LMTK3: variants seen among roughly 807,000 people sequenced by gnomAD.
The protein encoded by LMTK3 is serine/threonine-protein kinase LMTK3.
In LMTK3, 27 loss-of-function variants were observed where a neutral mutation model predicts 116.7. That is an observed-to-expected ratio of 0.23 (90% CI 0.17 to 0.32). The LOEUF is 0.32. Ranked by LOEUF, LMTK3 falls within the 10% of genes least tolerant of loss-of-function variation. The pLI, the probability that LMTK3 is intolerant of heterozygous loss-of-function variation, is 1.00. For synonymous variants in LMTK3, 965 were observed against 971.0 expected, an observed-to-expected ratio of 0.99 and a Z score of 0.11; for missense variants, 1,764 against 2,068.5, an observed-to-expected ratio of 0.85 and a Z score of 2.86.
intron 14 of LMTK3, among the ~76,000 whole-genome samples, chr19:48,490,293 G>T (rs1009071006): frequency 6.6e-6 from 1 of 152,104 alleles, no homozygotes; most frequent in African/African-American, 2.4e-5. Context: ...GGAGGCCGAG[G>T]TGGGTGGATC....
At chr19:48,506,337 G>T (rs1972570510) in intron 5 of LMTK3, among the ~76,000 whole-genome samples, 1 of 151,978 alleles carries the variant, frequency 6.6e-6, no homozygotes, top group Non-Finnish European at 1.5e-5. Flanking sequence ...TAAGAATTTG[G>T]TGTGTCTTCC....
upstream of LMTK3, chr19:48,513,621 G>A (rs1376642846): frequency 1.0e-5 from 2 of 200,576 alleles, no homozygotes; most frequent in Non-Finnish European, 2.1e-5. This position sits in a 1 kb window ranked among gnomAD's most constrained non-coding sequence, Gnocchi z 5.6. Flanking sequence ...TCCCCTGGGT[G>A]AGGCTGGGCC....
Position 48,493,889 on chromosome 19 carries a change from C to T in LMTK3, c.3897G>A (p.Gly1299=). The T allele has an allele frequency of 1.9e-6, 2 of 1,070,126 alleles. No individual in the cohort carries two copies. Among genetic ancestry groups the T allele is most frequent in the Non-Finnish European group, 2.3e-6 (2 of 887,638 alleles). 66.3% of individuals were successfully genotyped at this position (1,070,126 alleles called of 1,614,324 possible). ...CTCGCGCCCTCCCGGGGCCCCGCGGCCCCGCCGCCGCGCCCGGCGCCGCCG... is the reference window on the plus strand; with the variant it reads ...CTCGCGCCCTCCCGGGGCCCCGCGGTCCCGCCGCCGCGCCCGGCGCCGCCG... ...EEAAAPGAAA[G]PRGPGRARAA... Residue 1299 remains glycine (G), a synonymous_variant, in exon 12 of 15, where the codon GGG becomes GGA. Transcript: ENST00000600059.
chr19:48,493,655 G>C, intron 12 of LMTK3, 39 bp downstream of exon 12: 2 of 1,522,486 alleles, frequency 1.3e-6, no homozygotes, highest in Non-Finnish European at 8.8e-7. Context: ...GCTCCCTCCA[G>C]GCCGCGACCC....
intron 11 of LMTK3, among the ~76,000 whole-genome samples, chr19:48,496,446 C>G (rs1256165221): frequency 6.6e-6 from 1 of 152,048 alleles, no homozygotes; most frequent in Non-Finnish European, 1.5e-5. Context: ...TTATAGGCGC[C>G]TACCATAAAG....
At position 48,500,013 on chromosome 19, in the gene LMTK3, AC is replaced by A; in HGVS notation, c.1152-97del. The A allele has an allele frequency of 8.0e-7, 1 of 1,246,860 alleles. No homozygotes were observed. The highest frequency in any genetic ancestry group is 1.1e-6 in the Non-Finnish European group (1 of 915,854). The allele number at this position is 1,246,860 out of a possible 1,614,324, so 77.2% of individuals were successfully genotyped here. On this transcript the variant is annotated intron_variant, in intron 10 of 14. Coordinates refer to ENST00000600059, the MANE Select transcript of LMTK3 (RefSeq NM_001388485.1). The surrounding 1 kb of genome is among the most constrained non-coding windows in gnomAD (Gnocchi z 4.0). ...GACAACCAGAGAGAGGGGGACAGAG[AC>A]CCAGAGGGTAACAGAGACCCAGAGA... is the stretch of plus-strand genomic sequence containing the variant.
intron 12 of LMTK3, among the ~76,000 whole-genome samples, chr19:48,493,057 G>A (rs2147533287): frequency 6.8e-6 from 1 of 147,796 alleles, no homozygotes; most frequent in Non-Finnish European, 1.5e-5. Context: ...TGCTCCATCC[G>A]CCCCGCCCTA....
chr19:48,499,060 G>C lies in LMTK3; in HGVS notation c.2009C>G (p.Pro670Arg), dbSNP rs764352706. ...GCAGGCCCCCTCGCGGCTGCACAGG[G>C]GACAGGGTAGGGGACCCCGGCGGCT... ...GPSRRGPLPC[P>R]LCSREGACSC... Residue 670 changes from proline to arginine, a missense_variant, in exon 11 of 15, where the codon CCC becomes CGC. By Grantham distance (103) the Pro-to-Arg change is moderately radical. Coordinates refer to ENST00000600059, the MANE Select transcript of LMTK3 (RefSeq NM_001388485.1). 180 of 1,535,994 alleles carry C rather than the reference G, an allele frequency of 1.2e-4. No homozygotes were observed. Among genetic ancestry groups the C allele is most frequent in the Non-Finnish European group, 1.5e-4 (171 of 1,145,994 alleles).
At position 48,511,540 on chromosome 19, in the gene LMTK3, C is replaced by A; in HGVS notation, c.37G>T (p.Val13Phe). 11 of 1,425,658 alleles carry A rather than the reference C, an allele frequency of 7.7e-6. No homozygotes were observed. The highest frequency in any genetic ancestry group is 2.4e-5 in the Admixed American group (1 of 42,174). 88.3% of individuals were successfully genotyped at this position (1,425,658 alleles called of 1,614,324 possible). A position where few individuals can be genotyped will look rare whatever the true frequency, so the allele number is the denominator to read the frequency against. ...GACGCCAGGCAGCCGGAGGCGGAGA[C>A]GGCCGCAAGGAGGATGAGGGCGCCG... Reference protein sequence around the residue: ...APGALILLAAVSASGCLASPA... With the variant: ...APGALILLAAFSASGCLASPA... The change falls in exon 1 of 15, where the codon GTC becomes TTC. Residue 13 changes from valine to phenylalanine, a missense_variant. This residue lies in a region of LMTK3 where 66 missense variants were observed against 61.1 expected (regional missense o/e 1.08). Transcript: ENST00000600059.
At position 48,499,076 on chromosome 19, in the gene LMTK3, C is replaced by T. The variant is rs1360844043; in HGVS notation, c.1993G>A (p.Gly665Ser). The T allele has an allele frequency of 4.5e-6, 7 of 1,545,378 alleles. No homozygotes were observed. The South Asian group carries it at 8.3e-5, about 18-fold the overall frequency. Residue 665 changes from glycine (G) to serine (S), a missense_variant, in exon 11 of 15, where the codon GGT (glycine) becomes AGT (serine). This residue lies in a region of LMTK3 where 1,028 missense variants were observed against 1,050.6 expected (regional missense o/e 0.98). Coordinates refer to ENST00000600059, the MANE Select transcript of LMTK3 (RefSeq NM_001388485.1). ...CTGCACAGGGGACAGGGTAGGGGAC[C>T]CCGGCGGCTTGGGCCACCTCCAAGG... ...SSLGGGPSRR[G>S]PLPCPLCSRE...
In LMTK3 at chr19:48,491,475, G is replaced by A; in HGVS notation, c.4157C>T (p.Pro1386Leu). 3 of 1,419,234 alleles carry A rather than the reference G, an allele frequency of 2.1e-6. No homozygotes were observed. Among genetic ancestry groups the A allele is most frequent in the East Asian group, 2.9e-5 (1 of 34,694 alleles). The allele number at this position is 1,419,234 out of a possible 1,614,324, so 87.9% of individuals were successfully genotyped here. A position where few individuals can be genotyped will look rare whatever the true frequency, so the allele number is the denominator to read the frequency against. The change falls in exon 13 of 15, where the codon CCT (proline) becomes CTT (leucine). Residue 1386 changes from proline (P) to leucine (L), a missense_variant. Physicochemically the swap from Pro to Leu is moderately conservative, Grantham distance 98 (BLOSUM62 -3). Coordinates refer to ENST00000600059, the MANE Select transcript of LMTK3 (RefSeq NM_001388485.1). This position sits in a 1 kb window ranked among gnomAD's most constrained non-coding sequence, Gnocchi z 5.1. ...PPEGDTDPST[P>L]PAPPTPPHPA... ...GTGGGGAGGTGTCGGGGGCGCTGGA[G>A]GCGTTGACGGGTCCGTGTCCCCCTC...
chr19:48,501,180 T>C, intron 9 of LMTK3, 35 bp from the exon 10 acceptor site: 1 of 1,606,106 alleles, frequency 6.2e-7, no homozygotes, highest in Non-Finnish European at 8.5e-7. Context: ...AGCCCAGCCC[T>C]GACCCACCCG....
In LMTK3 at chr19:48,497,632, G is replaced by T; in HGVS notation, c.3437C>A (p.Pro1146Gln). ...CGGTGGCGGTGGCAGCGGTGGCGGC[G>T]GTGGCTGCGGCCTCGTGTTGTCTAC... ...GWVDNTRPQPPPPPLPPPPEA... is the reference protein window; with the variant it reads ...GWVDNTRPQPQPPPLPPPPEA... The change falls in exon 11 of 15, where the codon CCG becomes CAG. Residue 1146 changes from proline to glutamine, a missense_variant. Around this residue, in one of 7 missense-constraint regions of LMTK3, gnomAD observed 1,028 missense variants for 1,050.6 expected, o/e 0.98. Transcript: ENST00000600059. The surrounding 1 kb of genome is among the most constrained non-coding windows in gnomAD (Gnocchi z 5.7). 3 of 1,298,876 alleles carry T rather than the reference G, an allele frequency of 2.3e-6. No individual in the cohort carries two copies. Among genetic ancestry groups the T allele is most frequent in the East Asian group, 3.1e-5 (1 of 31,908 alleles). 80.5% of individuals were successfully genotyped at this position (1,298,876 alleles called of 1,614,324 possible).
At chr19:48,487,620 A>G (rs1972147980) in intron 14 of LMTK3, among the ~76,000 whole-genome samples, 2 of 152,108 alleles carry the variant, frequency 1.3e-5, no homozygotes, top group Non-Finnish European at 2.9e-5. Flanking sequence ...AGCTCTCCCC[A>G]GGAACTCCGA....
In LMTK3 at chr19:48,485,699, G is replaced by C; in HGVS notation, c.*74C>G. On this transcript the variant is annotated 3_prime_UTR_variant, in exon 15 of 15. Coordinates refer to ENST00000600059, the MANE Select transcript of LMTK3 (RefSeq NM_001388485.1). ...AGGCGGCGTCTGCGGTGGTGGCAGT[G>C]GCGCCGTCATCCACAGAGGATTCCA... 1.3e-6 allele frequency: 2 copies of C among 1,522,638 alleles called. No individual in the cohort carries two copies. The highest frequency in any genetic ancestry group is 9.0e-7 in the Non-Finnish European group (1 of 1,112,974). The allele number at this position is 1,522,638 out of a possible 1,614,324, so 94.3% of individuals were successfully genotyped here.
chr19:48,512,207 G>C (rs1972675407), upstream of LMTK3, among the ~76,000 whole-genome samples: 1 of 151,998 alleles, frequency 6.6e-6, no homozygotes, highest in Admixed American at 6.6e-5. Context: ...ATAGACAAGC[G>C]CATCACATAC....
In LMTK3 at chr19:48,485,560, CA is replaced by C. The variant is rs1296865732; in HGVS notation, c.*212del. On this transcript the variant is annotated 3_prime_UTR_variant, in exon 15 of 15. Coordinates refer to ENST00000600059, the MANE Select transcript of LMTK3 (RefSeq NM_001388485.1). The stretch of plus-strand genomic sequence containing the variant: ...CTGCCTCATTTGGCTCCGAGGGGGT[CA>C]GGGGGGTCAGGGGAGCCATCTGGGG... 6 of 438,712 alleles carry C rather than the reference CA, an allele frequency of 1.4e-5. No individual in the cohort carries two copies. The East Asian group carries it at 1.8e-4, about 13-fold the overall frequency. The allele number at this position is 438,712 out of a possible 1,614,324, so 27.2% of individuals were successfully genotyped here. A position where few individuals can be genotyped will look rare whatever the true frequency, so the allele number is the denominator to read the frequency against.
Position 48,493,899 on chromosome 19 carries a change from G to GCGCCCGGCGCCGCCGCCT in LMTK3, c.3869_3886dup (p.Glu1290_Gly1295dup). 9.7e-7 allele frequency: 1 copy of GCGCCCGGCGCCGCCGCCT among 1,032,844 alleles called. No homozygotes were observed. Among genetic ancestry groups the GCGCCCGGCGCCGCCGCCT allele is most frequent in the Non-Finnish European group, 1.2e-6 (1 of 864,472 alleles). The allele number at this position is 1,032,844 out of a possible 1,614,324, so 64.0% of individuals were successfully genotyped here. On this transcript the variant is annotated inframe_insertion, in exon 12 of 15. Coordinates refer to ENST00000600059, the MANE Select transcript of LMTK3 (RefSeq NM_001388485.1). The stretch of plus-strand genomic sequence containing the variant: ...CCCGGGGCCCCGCGGCCCCGCCGCC[G>GCGCCCGGCGCCGCCGCCT]CGCCCGGCGCCGCCGCCTCCTCGTC...
intron 3 of LMTK3, among the ~76,000 whole-genome samples, chr19:48,509,776 G>A (rs1193584334): frequency 6.6e-6 from 1 of 152,070 alleles, no homozygotes; most frequent in African/African-American, 2.4e-5. Flanking sequence ...TGTGCTCTAT[G>A]GTAATCTCAC....
Sources: gnomAD v4.1 joint callset for allele counts (sites outside exome capture counted in the v4.1 genomes callset) on GRCh38, gnomAD v4.1.1 for gene constraint, gnomAD v4.1.1 regional missense constraint, Gnocchi (gnomAD v3.1) non-coding constraint, MANE v1.5 for transcripts, NCBI Gene and HGNC (gene_info 2026-07-23, HGNC 2026-07-21) for gene names.